CPQ: variants seen among roughly 807,000 people sequenced by gnomAD.
CPQ encodes the protein Ser-Met dipeptidase.
A neutral mutation model predicts 45.7 loss-of-function variants in CPQ; 37 were observed. The observed-to-expected ratio is 0.81, with a 90% CI of 0.62 to 1.07. CPQ has a LOEUF of 1.07. Among genes scored for constraint, CPQ ranks in the 50% least tolerant of loss-of-function variants. The pLI is 0.00. For synonymous variants in CPQ, 186 were observed against 205.8 expected, an observed-to-expected ratio of 0.90 and a Z score of 0.82; for missense variants, 537 against 572.9, an observed-to-expected ratio of 0.94 and a Z score of 0.64.
intron 1 of CPQ, among the ~76,000 whole-genome samples, chr8:96,648,802 T>C (rs1586344226): frequency 6.6e-6 from 1 of 152,018 alleles, no homozygotes; most frequent in Admixed American, 6.6e-5. Context: ...ATTCCAAGAA[T>C]GGAGAACAAC....
intron 1 of CPQ, among the ~76,000 whole-genome samples, chr8:96,668,263 C>T (rs1808953757): frequency 6.6e-6 from 1 of 152,192 alleles, no homozygotes; most frequent in South Asian, 2.1e-4. Context: ...TATCCATTGT[C>T]TGCCCCACAC....
At chr8:96,962,824 T>C (rs1813483257) in intron 4 of CPQ, among the ~76,000 whole-genome samples, 1 of 152,224 alleles carries the variant, frequency 6.6e-6, no homozygotes, top group African/African-American at 2.4e-5. Context: ...ATTAGAAGTA[T>C]CTTTTTGTCA....
intron 6 of CPQ, among the ~76,000 whole-genome samples, chr8:97,065,270 T>G (rs1388053558): frequency 6.6e-6 from 1 of 152,176 alleles, no homozygotes; most frequent in Admixed American, 6.5e-5. Context: ...CAAGAGCCTA[T>G]TATATTCTAA....
intron 1 of CPQ, among the ~76,000 whole-genome samples, chr8:96,715,505 CTGTCTATAGG>C (rs1809661874): frequency 6.6e-6 from 1 of 152,154 alleles, no homozygotes; most frequent in African/African-American, 2.4e-5. Flanking sequence ...TTCAGAAAGG[CTGTCTATAGG>C]TGTACCCACA....
At chr8:97,118,347 C>G (rs756932588) in intron 7 of CPQ, among the ~76,000 whole-genome samples, 2 of 152,016 alleles carry the variant, frequency 1.3e-5, no homozygotes, top group Non-Finnish European at 2.9e-5. Flanking sequence ...TCACTGACCC[C>G]AGAGAAATCA....
intron 2 of CPQ, among the ~76,000 whole-genome samples, chr8:96,791,120 T>C (rs1319659225): frequency 6.6e-6 from 1 of 152,194 alleles, no homozygotes; most frequent in Non-Finnish European, 1.5e-5. Context: ...TTTTCCCAGA[T>C]GAGAGAACCA....
chr8:97,099,107 T>TTCTCTC lies in CPQ; in HGVS notation c.1255+32901_1255+32906dup, dbSNP rs1449236685. On this transcript the variant is annotated intron_variant, in intron 7 of 7. Transcript: ENST00000220763. ...TTCTGGAAGAAGTCCCAAAACTCCC[T>TTCTCTC]TCTCTCTCTTTTTTTTTTTTTTTTT... 2.1e-4 allele frequency among the ~76,000 whole-genome samples: 29 copies of TTCTCTC among 138,764 alleles called. 1 individual carries two copies. The highest frequency in any genetic ancestry group is 2.0e-3 in the Admixed American group (24 of 12,156). The allele number at this position is 138,764 out of a possible 152,430, so 91.0% of individuals were successfully genotyped here. A position where few individuals can be genotyped will look rare whatever the true frequency, so the allele number is the denominator to read the frequency against.
intron 1 of CPQ, among the ~76,000 whole-genome samples, chr8:96,703,231 TA>T (rs775572656): frequency 9.8e-5 from 15 of 152,304 alleles, no homozygotes; most frequent in African/African-American, 1.4e-4. Context: ...GACTTTGCCA[TA>T]TTTTTTTTGG....
intron 4 of CPQ, among the ~76,000 whole-genome samples, chr8:96,907,163 A>G (rs1302169009): frequency 6.6e-6 from 1 of 152,198 alleles, no homozygotes; most frequent in South Asian, 2.1e-4. Flanking sequence ...CTCAAATAAC[A>G]AAGAAGTTTA....
At chr8:96,766,650 G>A (rs1241927144) in intron 1 of CPQ, among the ~76,000 whole-genome samples, 1 of 152,174 alleles carries the variant, frequency 6.6e-6, no homozygotes, top group Non-Finnish European at 1.5e-5. Flanking sequence ...AGAGAGGAGA[G>A]AGAGCTGAGT....
rs1812199597 is a variant in CPQ, at chr8:96,879,981, C to T, written c.825C>T (p.Ile275=). The T allele has an allele frequency of 1.2e-6, 2 of 1,613,932 alleles. No individual in the cohort carries two copies. Among genetic ancestry groups the T allele is most frequent in the Non-Finnish European group, 1.7e-6 (2 of 1,179,858 alleles). ...ATTCCTTCAACACTGTAGCAGAGATCACTGGGAGCAAATATCCAGAACAGG... is the reference window on the plus strand; with the variant it reads ...ATTCCTTCAACACTGTAGCAGAGATTACTGGGAGCAAATATCCAGAACAGG... ...DTDSFNTVAE[I]TGSKYPEQVV... The change falls in exon 4 of 8, where the codon ATC becomes ATT. Residue 275 remains isoleucine, a synonymous_variant. Transcript: ENST00000220763.
At chr8:96,820,187 G>A (rs897964436) in intron 2 of CPQ, among the ~76,000 whole-genome samples, 7 of 151,878 alleles carry the variant, frequency 4.6e-5, no homozygotes, top group African/African-American at 1.2e-4. Flanking sequence ...ATGAGTTATC[G>A]ATCTGTAGGC....
chr8:96,667,748 T>G (rs929694532), intron 1 of CPQ, among the ~76,000 whole-genome samples: 13 of 152,136 alleles, frequency 8.5e-5, no homozygotes, highest in African/African-American at 2.9e-4. Flanking sequence ...GAAATCCCCT[T>G]CTTTGCTCTA....
In CPQ at chr8:96,894,580, CATAAT is replaced by C. The variant is rs370253803; in HGVS notation, c.849+14580_849+14584del. Among the ~76,000 whole-genome samples the C allele has an allele frequency of 6.0e-3, 910 of 152,240 alleles. 8 individuals carry two copies. Among genetic ancestry groups the C allele is most frequent in the African/African-American group, 0.017 (701 of 41,534 alleles). ...AATCACACCAAGAAATGTAATATAT[CATAAT>C]ATAACAACAAATGTTCTTAAGAGTG... On this transcript the variant is annotated intron_variant, in intron 4 of 7. Coordinates refer to ENST00000220763, the MANE Select transcript of CPQ (RefSeq NM_016134.4).
At chr8:96,975,367 A>G (rs751320806) in intron 5 of CPQ, among the ~76,000 whole-genome samples, 11 of 152,162 alleles carry the variant, frequency 7.2e-5, no homozygotes, top group Non-Finnish European at 1.3e-4. Flanking sequence ...AAAAAATTCC[A>G]GGACCAGATA....
At chr8:97,045,004 G>C (rs1810212116) in intron 6 of CPQ, among the ~76,000 whole-genome samples, 1 of 152,156 alleles carries the variant, frequency 6.6e-6, no homozygotes, top group Non-Finnish European at 1.5e-5. Flanking sequence ...GAGAACCACT[G>C]CTCTCTTCAA....
intron 4 of CPQ, among the ~76,000 whole-genome samples, chr8:96,908,356 T>C (rs2130902397): frequency 1.3e-5 from 2 of 152,316 alleles, no homozygotes; most frequent in East Asian, 3.9e-4. Context: ...TCTCCTGCAA[T>C]GCATCTTGCA....
intron 4 of CPQ, among the ~76,000 whole-genome samples, chr8:96,935,268 A>G (rs543331531): frequency 8.1e-4 from 123 of 152,350 alleles, no homozygotes; most frequent in Non-Finnish European, 1.1e-3. Flanking sequence ...ACAGGCGTAT[A>G]TCCTACCATC....
At chr8:96,917,687 A>G (rs1344960895) in intron 4 of CPQ, among the ~76,000 whole-genome samples, 1 of 152,156 alleles carries the variant, frequency 6.6e-6, no homozygotes, top group Non-Finnish European at 1.5e-5. Context: ...ATGTGTGTAT[A>G]CTAACCCATC....
Sources: allele counts gnomAD v4.1 joint callset (sites outside exome capture counted in the v4.1 genomes callset), GRCh38; gene constraint gnomAD v4.1.1; transcripts MANE v1.5; gene names NCBI Gene and HGNC (gene_info 2026-07-23, HGNC 2026-07-21).